COL5A2: variants seen among roughly 807,000 people sequenced by gnomAD.
COL5A2 encodes the protein collagen alpha-2(V) chain.
COL5A2 carries 23 observed loss-of-function variants against 208.2 expected under a neutral mutation model. The ratio of observed to expected loss-of-function variants is 0.11; its 90% CI spans 0.08 to 0.16. COL5A2 has a LOEUF of 0.16. COL5A2 is among the 10% of genes least tolerant of loss of function. COL5A2 has a pLI of 1.00. For missense variants in COL5A2, 1,590 were observed against 1,956.4 expected, an observed-to-expected ratio of 0.81 and a Z score of 3.53; for synonymous variants, 625 against 628.5, an observed-to-expected ratio of 0.99 and a Z score of 0.08.
At chr2:189,440,888 A>C in the COL5A2 span, among the ~76,000 whole-genome samples, 1 of 152,196 alleles carries the variant, frequency 6.6e-6, no homozygotes, top group Non-Finnish European at 1.5e-5. Flanking sequence ...ATCCCGGAGT[A>C]GGAGCCAGAT....
intron 1 of COL5A2, among the ~76,000 whole-genome samples, chr2:189,211,284 G>C (rs1284053159): frequency 6.6e-6 from 1 of 152,038 alleles, no homozygotes; most frequent in Non-Finnish European, 1.5e-5. Context: ...CTATAATGAC[G>C]TTCACTAAAT....
chr2:189,385,005 ATAT>A, the COL5A2 span, among the ~76,000 whole-genome samples: 2 of 152,160 alleles, frequency 1.3e-5, no homozygotes, highest in African/African-American at 4.8e-5. Context: ...TCTAGTATTC[ATAT>A]TTTCTTTAGA....
intron 33 of COL5A2, among the ~76,000 whole-genome samples, chr2:189,057,693 G>C (rs1244558041): frequency 6.6e-6 from 1 of 152,124 alleles, no homozygotes; most frequent in Non-Finnish European, 1.5e-5. Context: ...GGATAGAGTT[G>C]CCTTTTTTTC....
At chr2:189,295,842 T>C in the COL5A2 span, among the ~76,000 whole-genome samples, 1 of 152,156 alleles carries the variant, frequency 6.6e-6, no homozygotes, top group African/African-American at 2.4e-5. Context: ...AAATGTACTG[T>C]TTTATAAATT....
intron 1 of COL5A2, among the ~76,000 whole-genome samples, chr2:189,166,695 C>T (rs1028715539): frequency 1.3e-5 from 2 of 152,186 alleles, no homozygotes; most frequent in Non-Finnish European, 2.9e-5. Context: ...GTAGTGTGAG[C>T]CACGGAGTCC....
chr2:189,144,616 T>TA (rs1402774410), intron 1 of COL5A2, among the ~76,000 whole-genome samples: 3 of 151,706 alleles, frequency 2.0e-5, no homozygotes, highest in Non-Finnish European at 4.4e-5. Flanking sequence ...CTTCTTGAAT[T>TA]AAAAAATACA....
At chr2:189,311,457 G>A in the COL5A2 span, 3 of 1,110,194 alleles carry the variant, frequency 2.7e-6, no homozygotes, top group Non-Finnish European at 2.7e-6. Flanking sequence ...ATGTTCAGCA[G>A]GGCCTCCTAT....
chr2:189,226,056 C>T (rs537739590), upstream of COL5A2, among the ~76,000 whole-genome samples: 8 of 152,260 alleles, frequency 5.3e-5, no homozygotes, highest in Admixed American at 5.2e-4. Context: ...GCCTACAATG[C>T]TTTTATGAAT....
At chr2:189,279,254 A>G in the COL5A2 span, among the ~76,000 whole-genome samples, 1 of 151,972 alleles carries the variant, frequency 6.6e-6, no homozygotes, top group Non-Finnish European at 1.5e-5. Flanking sequence ...CTGAAGAAAG[A>G]TAAGTATTCA....
the COL5A2 span, among the ~76,000 whole-genome samples, chr2:189,325,669 A>T: frequency 6.6e-6 from 1 of 152,204 alleles, no homozygotes; most frequent in Non-Finnish European, 1.5e-5. Flanking sequence ...TGATAGCAAC[A>T]TCAAAGGAGG....
the COL5A2 span, among the ~76,000 whole-genome samples, chr2:189,317,501 G>A: frequency 6.6e-6 from 1 of 151,992 alleles, no homozygotes; most frequent in Non-Finnish European, 1.5e-5. Context: ...GAGACTGTCT[G>A]GTTTAAGAAT....
At chr2:189,216,558 G>A (rs905851910) in intron 1 of COL5A2, among the ~76,000 whole-genome samples, 6 of 151,988 alleles carry the variant, frequency 3.9e-5, no homozygotes, top group East Asian at 1.9e-4. Context: ...TCTGTCACTA[G>A]GGTGAATTAA....
intron 1 of COL5A2, among the ~76,000 whole-genome samples, chr2:189,218,740 C>A (rs1424568023): frequency 2.6e-5 from 4 of 152,200 alleles, no homozygotes; most frequent in African/African-American, 9.6e-5. Context: ...CAGCTGTGTA[C>A]AATTGAATTG....
At chr2:189,111,143 A>G (rs1414480001) in intron 1 of COL5A2, among the ~76,000 whole-genome samples, 1 of 152,146 alleles carries the variant, frequency 6.6e-6, no homozygotes, top group East Asian at 1.9e-4. Context: ...TAGCCAAAAT[A>G]ATACAGTGAG....
At chr2:189,189,984 T>C (rs1393868660) in intron 1 of COL5A2, among the ~76,000 whole-genome samples, 2 of 152,140 alleles carry the variant, frequency 1.3e-5, no homozygotes, top group African/African-American at 4.8e-5. Flanking sequence ...AAAAAAAAGT[T>C]GGTGAAAGAG....
At chr2:189,056,052 A>C (rs1180493192) in intron 35 of COL5A2, among the ~76,000 whole-genome samples, 3 of 152,214 alleles carry the variant, frequency 2.0e-5, no homozygotes, top group Non-Finnish European at 4.4e-5. Flanking sequence ...CCTTAATTAA[A>C]TTTGCATAAA....
At chr2:189,389,213 C>A in the COL5A2 span, among the ~76,000 whole-genome samples, 5 of 152,120 alleles carry the variant, frequency 3.3e-5, no homozygotes, top group Admixed American at 3.3e-4. Flanking sequence ...CACTTTCTTA[C>A]AGAAAATTTT....
chr2:189,410,849 C>T, the COL5A2 span, among the ~76,000 whole-genome samples: 2 of 152,078 alleles, frequency 1.3e-5, no homozygotes, highest in East Asian at 1.9e-4. Flanking sequence ...TAAATTTTTA[C>T]AGTACAAATG....
chr2:189,224,231 A>C (rs180706157), intron 1 of COL5A2, among the ~76,000 whole-genome samples: 69 of 152,266 alleles, frequency 4.5e-4, no homozygotes, highest in Middle Eastern at 3.4e-3. Flanking sequence ...ACAACCAAAA[A>C]AATAAATGAC....
Sources: gnomAD v4.1 joint callset for allele counts (sites outside exome capture counted in the v4.1 genomes callset) on GRCh38, gnomAD v4.1.1 for gene constraint, MANE v1.5 for transcripts, NCBI Gene and HGNC (gene_info 2026-07-23, HGNC 2026-07-21) for gene names.